The following EPHB1 variants were observed in gnomAD, a reference collection of about 807,000 sequenced individuals.
The protein encoded by EPHB1 is EPH receptor B1.
In EPHB1, 30 loss-of-function variants were observed where a neutral mutation model predicts 94.4. The ratio of observed to expected loss-of-function variants is 0.32; its 90% CI spans 0.24 to 0.43. The LOEUF (loss-of-function observed/expected upper bound fraction) is 0.43. Among genes scored for constraint, EPHB1 ranks in the 20% least tolerant of loss-of-function variants. The probability of loss-of-function intolerance (pLI) is 1.00; values close to 1 mark genes in which losing one functional copy is unlikely to be tolerated. For synonymous variants in EPHB1, 522 were observed against 489.1 expected (o/e 1.07, Z -0.89); for missense variants, 1,055 against 1,308.3 (o/e 0.81, Z 2.99).
At chr3:135,067,229 C>T (rs1031931005) in intron 3 of EPHB1, among the ~76,000 whole-genome samples, 18 of 152,154 alleles carry the variant, frequency 1.2e-4, no homozygotes, top group Non-Finnish European at 2.2e-4. Context: ...GAGGCACCAG[C>T]GTGGGGAAGG....
At chr3:135,036,261 C>T (rs12631976) in intron 3 of EPHB1, among the ~76,000 whole-genome samples, 11 of 151,986 alleles carry the variant, frequency 7.2e-5, no homozygotes, top group South Asian at 2.1e-4. Context: ...CATAACTACT[C>T]GGGGAGGGTG....
intron 3 of EPHB1, among the ~76,000 whole-genome samples, chr3:135,089,169 G>T (rs1188655772): frequency 6.6e-6 from 1 of 152,144 alleles, no homozygotes; most frequent in Non-Finnish European, 1.5e-5. Context: ...TTTATTCTAG[G>T]TAAATTTACT....
intron 3 of EPHB1, among the ~76,000 whole-genome samples, chr3:134,975,579 G>A (rs1051141272): frequency 2.6e-5 from 4 of 152,072 alleles, no homozygotes; most frequent in Admixed American, 2.0e-4. Context: ...CAGCACCAAT[G>A]TACTGCCTGG....
intron 11 of EPHB1, 105 bp from the exon 12 acceptor site, chr3:135,201,369 C>A: frequency 8.7e-7 from 1 of 1,148,512 alleles, no homozygotes; most frequent in Admixed American, 1.7e-5. Flanking sequence ...AGTGGCTTGG[C>A]CTGGAGCAGA....
In EPHB1 at chr3:134,847,893, G is replaced by A. The variant is rs540554386; in HGVS notation, c.58+52204G>A. 4.6e-5 allele frequency among the ~76,000 whole-genome samples: 7 copies of A among 152,340 alleles called. No individual in the cohort carries two copies. In the East Asian group the frequency reaches 7.7e-4, roughly 17 times the overall value. ...CCTGCCTGGAGACAGCGTTTAGATT[G>A]TGTGGTGCTGTGGTTTCTACCCACT... On this transcript the variant is annotated intron_variant, in intron 1 of 15. Coordinates refer to ENST00000398015, the MANE Select transcript of EPHB1 (RefSeq NM_004441.5).
intron 15 of EPHB1, among the ~76,000 whole-genome samples, chr3:135,252,144 T>G (rs1933134319): frequency 6.6e-6 from 1 of 151,770 alleles, no homozygotes; most frequent in Non-Finnish European, 1.5e-5. Flanking sequence ...CACAAAAAAA[T>G]TGTTACTGTT....
intron 3 of EPHB1, among the ~76,000 whole-genome samples, chr3:135,021,413 C>T (rs1576322578): frequency 6.6e-6 from 1 of 151,700 alleles, no homozygotes; most frequent in African/African-American, 2.4e-5. Flanking sequence ...TAGGGCCTTC[C>T]CGATGTCTTT....
At chr3:135,054,801 CT>C (rs1484355958) in intron 3 of EPHB1, among the ~76,000 whole-genome samples, 2 of 152,142 alleles carry the variant, frequency 1.3e-5, no homozygotes, top group African/African-American at 4.8e-5. Context: ...TTTTTTGCCT[CT>C]GCATGGGTTT....
At chr3:135,048,259 CT>C (rs34135757) in intron 3 of EPHB1, among the ~76,000 whole-genome samples, 196 of 55,188 alleles carry the variant, frequency 3.6e-3, no homozygotes, top group African/African-American at 6.7e-3. Flanking sequence ...TTTCTTTTTT[CT>C]TTTTTTTTTT....
At chr3:135,036,659 G>A (rs540303491) in intron 3 of EPHB1, among the ~76,000 whole-genome samples, 5 of 152,260 alleles carry the variant, frequency 3.3e-5, no homozygotes, top group South Asian at 2.1e-4. Context: ...CTTCTGAACC[G>A]TTGTATAAGC....
intron 3 of EPHB1, among the ~76,000 whole-genome samples, chr3:135,006,943 T>G (rs575010672): frequency 6.6e-6 from 1 of 152,290 alleles, no homozygotes; most frequent in Admixed American, 6.5e-5. Flanking sequence ...ATGGTACCCT[T>G]GTAGATTTAA....
chr3:135,137,529 A>G (rs1940665357), intron 5 of EPHB1, among the ~76,000 whole-genome samples: 1 of 152,134 alleles, frequency 6.6e-6, no homozygotes, highest in African/African-American at 2.4e-5. Flanking sequence ...CGGGGCAGTC[A>G]TCTTCCTCAC....
intron 11 of EPHB1, among the ~76,000 whole-genome samples, chr3:135,193,731 A>G (rs1942522383): frequency 6.6e-6 from 1 of 152,212 alleles, no homozygotes; most frequent in Admixed American, 6.5e-5. Flanking sequence ...AGTCATTGAA[A>G]CATTGCTGGG....
intron 2 of EPHB1, among the ~76,000 whole-genome samples, chr3:134,948,415 A>G (rs879548089): frequency 6.6e-6 from 1 of 151,984 alleles, no homozygotes; most frequent in Non-Finnish European, 1.5e-5. Flanking sequence ...AAAGGGAGGG[A>G]GGTCTAAAAA....
intron 1 of EPHB1, among the ~76,000 whole-genome samples, chr3:134,921,261 G>A (rs1051891602): frequency 4.6e-5 from 7 of 151,892 alleles, no homozygotes; most frequent in East Asian, 1.9e-4. Flanking sequence ...TCACTCTCCC[G>A]TCTCTGTCCC....
At chr3:135,237,317 G>A (rs1943680293) in intron 12 of EPHB1, among the ~76,000 whole-genome samples, 1 of 150,384 alleles carries the variant, frequency 6.6e-6, no homozygotes, top group Non-Finnish European at 1.5e-5. Context: ...CACACAGACA[G>A]ACACAAAATC....
intron 3 of EPHB1, among the ~76,000 whole-genome samples, chr3:134,957,661 G>A (rs931170280): frequency 1.3e-5 from 2 of 152,160 alleles, no homozygotes; most frequent in African/African-American, 4.8e-5. Flanking sequence ...TGACTGTCTG[G>A]GTGTTATAGA....
intron 1 of EPHB1, among the ~76,000 whole-genome samples, chr3:134,841,239 T>A (rs2036771654): frequency 6.6e-6 from 1 of 152,134 alleles, no homozygotes; most frequent in African/African-American, 2.4e-5. Context: ...CCAGGACATC[T>A]CTAGAGCCTA....
chr3:135,211,896 G>A (rs1943042069), intron 12 of EPHB1, among the ~76,000 whole-genome samples: 1 of 152,038 alleles, frequency 6.6e-6, no homozygotes, highest in Non-Finnish European at 1.5e-5. Context: ...TATTTGCAAA[G>A]TTTTCAGCCA....
Sources: gnomAD v4.1 joint callset for allele counts (sites outside exome capture counted in the v4.1 genomes callset) on GRCh38, gnomAD v4.1.1 for gene constraint, MANE v1.5 for transcripts, NCBI Gene and HGNC (gene_info 2026-07-23, HGNC 2026-07-21) for gene names.